Variants in PRIM2 observed in about 807,000 individuals in gnomAD.
PRIM2 encodes the protein DNA primase subunit 2, also known as DNA primase large subunit.
In PRIM2, 39 loss-of-function variants were observed where a neutral mutation model predicts 67.3. The ratio of observed to expected loss-of-function variants is 0.58; its 90% CI spans 0.45 to 0.76. The LOEUF is 0.76. Among genes scored for constraint, PRIM2 ranks in the 30% least tolerant of loss-of-function variants. PRIM2 has a pLI of 0.00. For missense variants in PRIM2, 398 were observed against 598.7 expected (o/e 0.66, Z 3.50); for synonymous variants, 143 against 198.7 (o/e 0.72, Z 2.36).
chr6:57,368,424 T>C (rs1211014508), intron 5 of PRIM2, among the ~76,000 whole-genome samples: 1 of 152,182 alleles, frequency 6.6e-6, no homozygotes, highest in Non-Finnish European at 1.5e-5. Context: ...TAGATTCAAA[T>C]AGAAACTATC....
the PRIM2 span, among the ~76,000 whole-genome samples, chr6:57,271,473 T>G: frequency 6.6e-6 from 1 of 152,250 alleles, no homozygotes; most frequent in Non-Finnish European, 1.5e-5. Flanking sequence ...TTGGTGGTGA[T>G]ATCCCCTTTA....
intron 12 of PRIM2, among the ~76,000 whole-genome samples, chr6:57,610,347 C>T (rs1327180947): frequency 1.3e-5 from 2 of 152,158 alleles, no homozygotes; most frequent in Non-Finnish European, 2.9e-5. Context: ...GGATTATAGG[C>T]GTGACCCACC....
the PRIM2 span, among the ~76,000 whole-genome samples, chr6:57,239,732 C>A: frequency 6.6e-6 from 1 of 152,134 alleles, no homozygotes; most frequent in African/African-American, 2.4e-5. Context: ...AGCGACAGAG[C>A]AAAACCTTGT....
At chr6:57,323,212 T>G (rs1221781190) in intron 3 of PRIM2, among the ~76,000 whole-genome samples, 1 of 152,166 alleles carries the variant, frequency 6.6e-6, no homozygotes, top group Admixed American at 6.5e-5. Context: ...AAGGATCTAG[T>G]TGAGATTATA....
At chr6:57,306,741 G>A in the PRIM2 span, among the ~76,000 whole-genome samples, 6 of 152,310 alleles carry the variant, frequency 3.9e-5, no homozygotes, top group African/African-American at 1.4e-4. Flanking sequence ...GTCCCCACCT[G>A]TGCATCTTCT....
intron 8 of PRIM2, among the ~76,000 whole-genome samples, chr6:57,508,910 GTAT>G (rs1287734846): frequency 1.3e-5 from 2 of 152,080 alleles, no homozygotes; most frequent in Non-Finnish European, 2.9e-5. Context: ...TTCTAAAATT[GTAT>G]TAGTCAACAT....
At chr6:57,484,471 G>A (rs1181238526) in intron 7 of PRIM2, among the ~76,000 whole-genome samples, 6 of 152,054 alleles carry the variant, frequency 3.9e-5, no homozygotes, top group South Asian at 2.1e-4. Context: ...GTGGTTTCTT[G>A]TCACACTCAG....
chr6:57,392,740 C>A (rs2127348570), intron 7 of PRIM2, among the ~76,000 whole-genome samples: 1 of 151,304 alleles, frequency 6.6e-6, no homozygotes, highest in Middle Eastern at 3.4e-3. Context: ...TGAGTAAGTT[C>A]TTTAGTGTTG....
chr6:57,612,269 A>G (rs1183298941), intron 12 of PRIM2, among the ~76,000 whole-genome samples: 1 of 152,228 alleles, frequency 6.6e-6, no homozygotes, highest in Non-Finnish European at 1.5e-5. Context: ...ATAAGTCCAC[A>G]TAAAAATCTG....
At chr6:57,279,747 G>C in the PRIM2 span, among the ~76,000 whole-genome samples, 1 of 152,196 alleles carries the variant, frequency 6.6e-6, no homozygotes, top group South Asian at 2.1e-4. Context: ...CTGTGCTCAA[G>C]GGAATCACAG....
At chr6:57,535,451 A>G (rs1774984583) in intron 9 of PRIM2, among the ~76,000 whole-genome samples, 1 of 152,236 alleles carries the variant, frequency 6.6e-6, no homozygotes, top group South Asian at 2.1e-4. Context: ...TAACTTACAT[A>G]GTAGTGAATA....
At chr6:57,601,001 G>A (rs1319523787) in intron 10 of PRIM2, 92 bp from the exon 11 acceptor site, 22 of 1,228,092 alleles carry the variant, frequency 1.8e-5, no homozygotes, top group Middle Eastern at 2.3e-4. Flanking sequence ...AGAAAATATC[G>A]CTTTGCACTC....
intron 3 of PRIM2, among the ~76,000 whole-genome samples, chr6:57,322,960 C>T (rs759163499): frequency 3.9e-5 from 6 of 152,106 alleles, no homozygotes; most frequent in Non-Finnish European, 7.4e-5. Flanking sequence ...GATTTTGTGT[C>T]GAATCTCAAC....
intron 7 of PRIM2, among the ~76,000 whole-genome samples, chr6:57,492,179 T>C (rs1773908743): frequency 1.3e-5 from 2 of 152,200 alleles, no homozygotes; most frequent in Admixed American, 6.5e-5. Context: ...TCCTAGATTT[T>C]AATTCATTTA....
chr6:57,632,761 A>G (rs1777057655), intron 13 of PRIM2, among the ~76,000 whole-genome samples: 1 of 152,236 alleles, frequency 6.6e-6, no homozygotes, highest in South Asian at 2.1e-4. Context: ...GCCATCTTCC[A>G]TGCAGAAAAT....
chr6:57,500,123 T>C (rs1554346726), intron 7 of PRIM2, among the ~76,000 whole-genome samples: 2 of 152,204 alleles, frequency 1.3e-5, no homozygotes, highest in Non-Finnish European at 1.5e-5. Flanking sequence ...CCTTCTCTGA[T>C]AGTCAGTTCT....
Position 57,337,980 on chromosome 6 carries a change from AAG to A in PRIM2, c.459+11942_459+11943del, listed in dbSNP as rs1201661839. Among the ~76,000 whole-genome samples, 6 of 152,118 alleles carry A rather than the reference AAG, an allele frequency of 3.9e-5. No individual in the cohort carries two copies. The South Asian group carries it at 1.0e-3, about 26-fold the overall frequency. On this transcript the variant is annotated intron_variant, in intron 5 of 13. Coordinates refer to ENST00000615550, the MANE Select transcript of PRIM2 (RefSeq NM_000947.5). ...CGCTAGCAAGACTAATAAAGAAAAA[AAG>A]AGAGAGGAATCAAATAGACGCAATA...
chr6:57,477,949 A>G (rs1773514535), intron 7 of PRIM2, among the ~76,000 whole-genome samples: 1 of 152,216 alleles, frequency 6.6e-6, no homozygotes, highest in Non-Finnish European at 1.5e-5. Context: ...ATATTGCACA[A>G]TCATGCACTG....
intron 10 of PRIM2, among the ~76,000 whole-genome samples, chr6:57,551,331 A>G (rs1199439725): frequency 6.6e-6 from 1 of 152,182 alleles, no homozygotes; most frequent in African/African-American, 2.4e-5. Context: ...GGAAATCTAG[A>G]TGGTTACTGT....
Sources: allele counts gnomAD v4.1 joint callset (sites outside exome capture counted in the v4.1 genomes callset), GRCh38; gene constraint gnomAD v4.1.1; transcripts MANE v1.5; gene names NCBI Gene and HGNC (gene_info 2026-07-23, HGNC 2026-07-21).